Variants in ELP4 observed in about 807,000 individuals in gnomAD.
ELP4 encodes elongator acetyltransferase complex subunit 4.
Under a neutral mutation model 48.9 loss-of-function variants are expected in ELP4, and 51 were observed. That is an observed-to-expected ratio of 1.04 (90% confidence interval 0.83 to 1.32). ELP4 has a LOEUF of 1.32. ELP4 is among the 40% of genes most tolerant of loss of function. The pLI is 0.00. For synonymous variants in ELP4, 210 were observed against 189.2 expected, an observed-to-expected ratio of 1.11 and a Z score of -0.90; for missense variants, 519 against 514.6, an observed-to-expected ratio of 1.01 and a Z score of -0.08.
intron 3 of ELP4, among the ~76,000 whole-genome samples, chr11:31,565,806 A>G (rs1225679859): frequency 2.0e-5 from 3 of 152,108 alleles, no homozygotes; most frequent in Non-Finnish European, 2.9e-5. Flanking sequence ...GTCAGGTAGC[A>G]TGATGCCTGC....
At chr11:31,778,559 ATAAAT>A (rs1428639439) in intron 9 of ELP4, among the ~76,000 whole-genome samples, 1 of 152,270 alleles carries the variant, frequency 6.6e-6, no homozygotes, top group Non-Finnish European at 1.5e-5. Flanking sequence ...GAAGAGATAA[ATAAAT>A]TAGTGTAGAA....
In ELP4 at chr11:31,561,235, G is replaced by A. The variant is rs191632570; in HGVS notation, c.381+21452G>A. Reference sequence around the variant, plus strand: ...TATTAACCCTCTATAGTTGTACTGAGTATACAATATACCCAGAGCCAGATT... The same window carrying A: ...TATTAACCCTCTATAGTTGTACTGAATATACAATATACCCAGAGCCAGATT... On this transcript the variant is annotated intron_variant, in intron 3 of 9. Coordinates refer to ENST00000640961, the MANE Select transcript of ELP4 (RefSeq NM_019040.5). Among the ~76,000 whole-genome samples the A allele has an allele frequency of 1.1e-3, 164 of 152,096 alleles. 1 individual carries two copies. Among genetic ancestry groups the A allele is most frequent in the Admixed American group, 0.011 (161 of 15,272 alleles).
intron 9 of ELP4, among the ~76,000 whole-genome samples, chr11:31,692,627 C>G (rs1326184612): frequency 1.3e-5 from 2 of 152,098 alleles, no homozygotes; most frequent in Non-Finnish European, 2.9e-5. Context: ...CAGTTCTGTA[C>G]CTTGGCTTTG....
chr11:31,635,073 A>T (rs976991801), intron 7 of ELP4, among the ~76,000 whole-genome samples: 1 of 151,994 alleles, frequency 6.6e-6, no homozygotes, highest in East Asian at 1.9e-4. Flanking sequence ...TTGTTTTTAT[A>T]TGAAAATGTT....
intron 3 of ELP4, among the ~76,000 whole-genome samples, chr11:31,568,080 C>T (rs1565057857): frequency 6.6e-6 from 1 of 152,136 alleles, no homozygotes; most frequent in Non-Finnish European, 1.5e-5. Flanking sequence ...CGAAAAGCTC[C>T]TTAAACTGAT....
intron 9 of ELP4, among the ~76,000 whole-genome samples, chr11:31,775,994 A>T (rs928486799): frequency 6.6e-6 from 1 of 151,740 alleles, no homozygotes; most frequent in Non-Finnish European, 1.5e-5. Context: ...ATTAAAAATT[A>T]AAAAAAATCA....
intron 5 of ELP4, among the ~76,000 whole-genome samples, chr11:31,608,764 G>A (rs1957924067): frequency 6.6e-6 from 1 of 152,118 alleles, no homozygotes; most frequent in South Asian, 2.1e-4. Context: ...GTATTAGACA[G>A]GGAACAAGTA....
At chr11:31,523,673 C>T (rs1485332674) in intron 2 of ELP4, among the ~76,000 whole-genome samples, 1 of 151,272 alleles carries the variant, frequency 6.6e-6, no homozygotes, top group African/African-American at 2.4e-5. Context: ...CTAAGGGACC[C>T]CACTGTGTAC....
intron 9 of ELP4, among the ~76,000 whole-genome samples, chr11:31,713,745 T>C (rs1338729037): frequency 6.6e-6 from 1 of 152,140 alleles, no homozygotes; most frequent in Non-Finnish European, 1.5e-5. Flanking sequence ...CCCAAGTTAG[T>C]TGTATTTATT....
At chr11:31,583,704 T>G (rs1039260602) in intron 3 of ELP4, among the ~76,000 whole-genome samples, 1 of 152,230 alleles carries the variant, frequency 6.6e-6, no homozygotes, top group Non-Finnish European at 1.5e-5. Context: ...AAGTGAAAAG[T>G]GTGTTATTGA....
At chr11:31,663,668 G>C (rs1011144894) in intron 9 of ELP4, 1 of 151,946 alleles carries the variant, frequency 6.6e-6, no homozygotes, top group Non-Finnish European at 1.5e-5. Flanking sequence ...GTGCTATGAA[G>C]TCTTGCTTGC....
At chr11:31,656,067 A>C (rs1459610994) in intron 9 of ELP4, among the ~76,000 whole-genome samples, 2 of 152,028 alleles carry the variant, frequency 1.3e-5, no homozygotes, top group South Asian at 4.1e-4. Context: ...TGAGTCATTT[A>C]TGTTCACTGA....
At chr11:31,730,398 T>A (rs1947161030) in intron 9 of ELP4, among the ~76,000 whole-genome samples, 1 of 152,168 alleles carries the variant, frequency 6.6e-6, no homozygotes, top group Non-Finnish European at 1.5e-5. Context: ...AAGGCAAGCC[T>A]TCATGACTTA....
intron 9 of ELP4, chr11:31,663,754 A>G (rs1004396220): frequency 1.3e-5 from 2 of 151,976 alleles, no homozygotes; most frequent in Admixed American, 1.3e-4. Context: ...GGGTGAATAT[A>G]TTATTAAAAG....
In ELP4 at chr11:31,560,729, A is replaced by T. The variant is rs141221353; in HGVS notation, c.381+20946A>T. Reference sequence around the variant, plus strand: ...AACAACGTTGTTTTATATATATATAAAACAACATTGTTTTGTATATATATA... The same window carrying T: ...AACAACGTTGTTTTATATATATATATAACAACATTGTTTTGTATATATATA... On this transcript the variant is annotated intron_variant, in intron 3 of 9. Transcript: ENST00000640961. Among the ~76,000 whole-genome samples the T allele has an allele frequency of 7.1e-3, 1,058 of 149,624 alleles. 16 individuals carry two copies. Among genetic ancestry groups the T allele is most frequent in the African/African-American group, 0.024 (982 of 41,016 alleles).
intron 9 of ELP4, among the ~76,000 whole-genome samples, chr11:31,726,531 A>G (rs191679370): frequency 1.3e-5 from 2 of 152,356 alleles, no homozygotes; most frequent in Admixed American, 6.5e-5. Context: ...CGCTAATTCT[A>G]TCAGATGCTA....
At chr11:31,639,443 T>C (rs551886374) in intron 7 of ELP4, among the ~76,000 whole-genome samples, 9 of 152,064 alleles carry the variant, frequency 5.9e-5, no homozygotes, top group South Asian at 2.1e-4. Flanking sequence ...TTTGGACTTA[T>C]AATTCTTACA....
intron 9 of ELP4, among the ~76,000 whole-genome samples, chr11:31,749,475 T>C (rs1056307220): frequency 6.6e-6 from 1 of 152,224 alleles, no homozygotes; most frequent in African/African-American, 2.4e-5. Context: ...CCCCAGCAAC[T>C]TGGACCTTAA....
At chr11:31,743,949 A>G (rs1222852451) in intron 9 of ELP4, among the ~76,000 whole-genome samples, 1 of 152,224 alleles carries the variant, frequency 6.6e-6, no homozygotes, top group Non-Finnish European at 1.5e-5. Flanking sequence ...TAATGAGTCC[A>G]GGAGCTGGTT....
Sources: allele counts gnomAD v4.1 joint callset (sites outside exome capture counted in the v4.1 genomes callset), GRCh38; gene constraint gnomAD v4.1.1; transcripts MANE v1.5; gene names NCBI Gene and HGNC (gene_info 2026-07-23, HGNC 2026-07-21).